Variants in KIAA1549 observed in about 807,000 individuals in gnomAD.
KIAA1549 encodes the protein UPF0606 protein KIAA1549.
In KIAA1549, 70 loss-of-function variants were observed where a neutral mutation model predicts 156.4. The ratio of observed to expected loss-of-function variants is 0.45; its 90% CI spans 0.37 to 0.55. KIAA1549 has a LOEUF of 0.55. Ranked by LOEUF, KIAA1549 falls within the 20% of genes least tolerant of loss-of-function variation. The pLI is 0.00. For synonymous variants in KIAA1549, 1,103 were observed against 1,066.4 expected, an observed-to-expected ratio of 1.03 and a Z score of -0.67; for missense variants, 2,428 against 2,540.9, an observed-to-expected ratio of 0.96 and a Z score of 0.96.
At position 138,834,903 on chromosome 7, in the gene KIAA1549, T is replaced by C. The variant is rs1809661081; in HGVS notation, c.*3003A>G. Reference sequence around the variant, plus strand: ...GGTGGCGGGGGAGGTCTGTTCTTGTTTGGCTTATGGGGAGAATGAAGTTCA... The same window carrying C: ...GGTGGCGGGGGAGGTCTGTTCTTGTCTGGCTTATGGGGAGAATGAAGTTCA... On this transcript the variant is annotated 3_prime_UTR_variant, in exon 20 of 20. Coordinates refer to ENST00000422774, the MANE Select transcript of KIAA1549 (RefSeq NM_001164665.2). The C allele has an allele frequency of 1.7e-5, 4 of 231,232 alleles. No individual in the cohort carries two copies. Among genetic ancestry groups the C allele is most frequent in the Non-Finnish European group, 3.4e-5 (4 of 116,996 alleles). The allele number at this position is 231,232 out of a possible 1,614,324, so 14.3% of individuals were successfully genotyped here. A position where few individuals can be genotyped will look rare whatever the true frequency, so the allele number is the denominator to read the frequency against.
At position 138,919,430 on chromosome 7, in the gene KIAA1549, A is replaced by T; in HGVS notation, c.196T>A (p.Ser66Thr). The part of the protein sequence containing the change: ...RPASCAPDEL[S>T]PEQHNLSLYS... ...AAAGAAAGGTTGTGCTGTTCCGGAG[A>T]GAGCTCATCTATCAAGAAAATCAGA... Residue 66 changes from serine to threonine, a missense_variant, in exon 2 of 20, where the codon TCT (serine) becomes ACT (threonine). This residue lies in a region of KIAA1549 where 893 missense variants were observed against 847.9 expected (regional missense o/e 1.05). Coordinates refer to ENST00000422774, the MANE Select transcript of KIAA1549 (RefSeq NM_001164665.2). 6.2e-7 allele frequency: 1 copy of T among 1,612,246 alleles called. No homozygotes were observed. Among genetic ancestry groups the T allele is most frequent in the Non-Finnish European group, 8.5e-7 (1 of 1,178,946 alleles).
At position 138,948,203 on chromosome 7, in the gene KIAA1549, G is replaced by A. The variant is rs76252350; in HGVS notation, c.188-28765C>T. Among the ~76,000 whole-genome samples, 1,131 of 152,300 alleles carry A rather than the reference G, an allele frequency of 7.4e-3. 15 individuals carry two copies. Among genetic ancestry groups the A allele is most frequent in the African/African-American group, 0.026 (1,089 of 41,560 alleles). On this transcript the variant is annotated intron_variant, in intron 1 of 19. Transcript: ENST00000422774. ...ATAGGGCCTTACTAGGGGCAATCAA[G>A]GTAAAGTGAGGTCACTGTGGTGGGC...
In KIAA1549 at chr7:138,917,389, G is replaced by A. The variant is rs1465802125; in HGVS notation, c.2237C>T (p.Ser746Leu). Residue 746 changes from serine to leucine, a missense_variant, in exon 2 of 20, where the codon TCA becomes TTA. By Grantham distance (145) the Ser-to-Leu change is moderately radical. Around this residue, in one of 5 missense-constraint regions of KIAA1549, gnomAD observed 762 missense variants for 901.6 expected, o/e 0.85. Coordinates refer to ENST00000422774, the MANE Select transcript of KIAA1549 (RefSeq NM_001164665.2). Reference protein sequence around the residue: ...SLTDSEAHFTSAFIETTSYLE... With the variant: ...SLTDSEAHFTLAFIETTSYLE... ...ATAGGAGGTAGTTTCAATGAAAGCT[G>A]AGGTAAAATGAGCTTCTGAATCCGT... 3 of 1,613,926 alleles carry A rather than the reference G, an allele frequency of 1.9e-6. No homozygotes were observed. The highest frequency in any genetic ancestry group is 1.3e-5 in the African/African-American group (1 of 75,042).
rs557503913 is a variant in KIAA1549 at position 138,937,196 on chromosome 7, C to A, written c.188-17758G>T. On this transcript the variant is annotated intron_variant, in intron 1 of 19. Transcript: ENST00000422774. ...TCTGACCACCATGCCCCTCCTCCTT[C>A]CCGTAACTATCACACCCCAGAACCC... Among the ~76,000 whole-genome samples the A allele has an allele frequency of 1.6e-3, 211 of 134,046 alleles. 1 individual carries two copies. Among genetic ancestry groups the A allele is most frequent in the African/African-American group, 7.0e-3 (204 of 29,048 alleles). The allele number at this position is 134,046 out of a possible 152,430, so 87.9% of individuals were successfully genotyped here. A position where few individuals can be genotyped will look rare whatever the true frequency, so the allele number is the denominator to read the frequency against.
At chr7:138,905,890 T>C (rs977790674) in intron 6 of KIAA1549, among the ~76,000 whole-genome samples, 2 of 152,230 alleles carry the variant, frequency 1.3e-5, no homozygotes, top group Non-Finnish European at 1.5e-5. Context: ...AATGTGTATA[T>C]ATTCACATAA....
intron 1 of KIAA1549, among the ~76,000 whole-genome samples, chr7:138,947,449 G>C (rs1019564267): frequency 2.6e-5 from 4 of 152,052 alleles, no homozygotes; most frequent in Non-Finnish European, 4.4e-5. Flanking sequence ...CAAGCAGCCA[G>C]CCCAGGGGGT....
At chr7:138,884,727 G>C (rs1050825288) in intron 10 of KIAA1549, among the ~76,000 whole-genome samples, 2 of 152,154 alleles carry the variant, frequency 1.3e-5, no homozygotes, top group African/African-American at 2.4e-5. Context: ...GCATTCCTTT[G>C]AAGTGACTTT....
At position 138,895,334 on chromosome 7, in the gene KIAA1549, C is replaced by T. The variant is rs181653453; in HGVS notation, c.3848-808G>A. Among the ~76,000 whole-genome samples the T allele has an allele frequency of 2.4e-4, 37 of 152,312 alleles. No individual in the cohort carries two copies. The East Asian group carries it at 7.1e-3, about 29-fold the overall frequency. ...AAAATGACAAAGAGATGCTGATGTT[C>T]GTAGCAGCGCTATTCACGACAGCCT... On this transcript the variant is annotated intron_variant, in intron 9 of 19. Transcript: ENST00000422774.
intron 1 of KIAA1549, among the ~76,000 whole-genome samples, chr7:138,945,252 G>A (rs972864820): frequency 1.3e-5 from 2 of 152,190 alleles, no homozygotes; most frequent in African/African-American, 4.8e-5. Flanking sequence ...GCCCAGGAAC[G>A]CATATTGTAA....
At chr7:138,943,037 G>A (rs1813230173) in intron 1 of KIAA1549, among the ~76,000 whole-genome samples, 2 of 152,302 alleles carry the variant, frequency 1.3e-5, no homozygotes, top group Non-Finnish European at 2.9e-5. Context: ...TCAAACAACC[G>A]ATGAGCAACC....
At chr7:138,942,053 AT>A (rs1813198872) in intron 1 of KIAA1549, among the ~76,000 whole-genome samples, 1 of 152,152 alleles carries the variant, frequency 6.6e-6, no homozygotes, top group African/African-American at 2.4e-5. Context: ...GCTATGATCC[AT>A]TATCCTTCTC....
chr7:138,876,979 C>G (rs1811102707), intron 12 of KIAA1549, among the ~76,000 whole-genome samples: 1 of 152,114 alleles, frequency 6.6e-6, no homozygotes, highest in African/African-American at 2.4e-5. Context: ...AAGGTGGGTC[C>G]TTAATATGCC....
At chr7:138,915,445 C>T (rs1039039613) in intron 2 of KIAA1549, among the ~76,000 whole-genome samples, 2 of 152,062 alleles carry the variant, frequency 1.3e-5, no homozygotes, top group African/African-American at 2.4e-5. Context: ...TTCCCTTTGG[C>T]GTGTGGGGAG....
chr7:138,859,008 A>AAAACAC (rs1369446705), intron 16 of KIAA1549, among the ~76,000 whole-genome samples: 1 of 142,260 alleles, frequency 7.0e-6, no homozygotes, highest in African/African-American at 2.6e-5. Context: ...TCCATCTCAA[A>AAAACAC]ACACACACAC....
At chr7:138,840,403 C>A in intron 18 of KIAA1549, 125 bp from the exon 19 acceptor site, 1 of 797,832 alleles carries the variant, frequency 1.3e-6, no homozygotes. Flanking sequence ...GGGATCAGGA[C>A]TTGGTACCAG....
Position 138,899,055 on chromosome 7 carries a change from T to G in KIAA1549, c.3747A>C (p.Glu1249Asp), listed in dbSNP as rs757710038. 1 of 1,613,816 alleles carries G rather than the reference T, an allele frequency of 6.2e-7. No homozygotes were observed. Among genetic ancestry groups the G allele is most frequent in the South Asian group, 1.1e-5 (1 of 91,076 alleles). Residue 1249 changes from glutamate (E) to aspartate (D), a missense_variant, in exon 9 of 20, where the codon GAA becomes GAC. By Grantham distance (45) the Glu-to-Asp change is conservative. This residue lies in a region of KIAA1549 where 762 missense variants were observed against 901.6 expected (regional missense o/e 0.85). Coordinates refer to ENST00000422774, the MANE Select transcript of KIAA1549 (RefSeq NM_001164665.2). ...LIYFVEDQDG[E>D]RLSAVKSSDL... ...CCGAAGACTTGACTGCACTGAGTCT[T>G]TCTCCATCTTGATCCTCCACAAAGT...
chr7:138,934,966 G>A (rs1812967843), intron 1 of KIAA1549, among the ~76,000 whole-genome samples: 1 of 152,172 alleles, frequency 6.6e-6, no homozygotes, highest in Non-Finnish European at 1.5e-5. Flanking sequence ...AAAGTCTCCA[G>A]AACATTCCAC....
chr7:138,930,481 T>C (rs1053835553), intron 1 of KIAA1549, among the ~76,000 whole-genome samples: 14 of 152,240 alleles, frequency 9.2e-5, no homozygotes, highest in Non-Finnish European at 1.8e-4. Context: ...GAAAATCTGT[T>C]GTTTAGTCTA....
At chr7:138,905,706 TA>T (rs1394332683) in intron 6 of KIAA1549, among the ~76,000 whole-genome samples, 2 of 152,090 alleles carry the variant, frequency 1.3e-5, no homozygotes, top group African/African-American at 2.4e-5. Context: ...TGGAATCTAC[TA>T]TTTTTTTTTT....
Sources: allele counts gnomAD v4.1 joint callset (sites outside exome capture counted in the v4.1 genomes callset), GRCh38; gene constraint gnomAD v4.1.1; regional missense constraint gnomAD v4.1.1; transcripts MANE v1.5; gene names NCBI Gene and HGNC (gene_info 2026-07-23, HGNC 2026-07-21).